RPH3A: variants seen among roughly 807,000 people sequenced by gnomAD.
RPH3A encodes rabphilin 3A.
RPH3A carries 48 observed loss-of-function variants against 102.2 expected under a neutral mutation model. The ratio of observed to expected loss-of-function variants is 0.47; its 90% confidence interval spans 0.37 to 0.60. The LOEUF is 0.60. RPH3A is among the 20% of genes least tolerant of loss of function. The pLI is 0.00. For missense variants in RPH3A, 781 were observed against 910.1 expected (o/e 0.86, Z 1.83); for synonymous variants, 310 against 324.3 (o/e 0.96, Z 0.47).
At chr12:112,812,632 G>C (rs1028674833) in intron 2 of RPH3A, among the ~76,000 whole-genome samples, 1 of 152,104 alleles carries the variant, frequency 6.6e-6, no homozygotes, top group South Asian at 2.1e-4. Context: ...GTGGATCCCA[G>C]CTTGTAGAAA....
intron 1 of RPH3A, among the ~76,000 whole-genome samples, chr12:112,713,094 CTTCTTCTTT>C (rs2040490780): frequency 1.8e-5 from 2 of 109,626 alleles, no homozygotes; most frequent in East Asian, 4.9e-4. Context: ...TCTTCTTCTT[CTTCTTCTTT>C]TATTTTTTTG....
intron 5 of RPH3A, among the ~76,000 whole-genome samples, chr12:112,857,092 G>C (rs999105029): frequency 2.0e-5 from 3 of 152,116 alleles, no homozygotes; most frequent in African/African-American, 7.2e-5. Context: ...CCTGTGTATC[G>C]GGAGTCTACG....
chr12:112,858,055 T>C (rs1208851739), intron 5 of RPH3A, among the ~76,000 whole-genome samples: 3 of 151,818 alleles, frequency 2.0e-5, no homozygotes, highest in Non-Finnish European at 2.9e-5. Flanking sequence ...GATTGCTTGA[T>C]TGAGCCCGGG....
chr12:112,864,712 A>T (rs565112778), intron 5 of RPH3A, among the ~76,000 whole-genome samples: 4 of 152,230 alleles, frequency 2.6e-5, no homozygotes, highest in Non-Finnish European at 5.9e-5. Context: ...ATCCAGCCAA[A>T]TTAGAATCAT....
At chr12:112,622,869 A>AC (rs1477875216) in intron 1 of RPH3A, among the ~76,000 whole-genome samples, 5 of 136,248 alleles carry the variant, frequency 3.7e-5, no homozygotes, top group Non-Finnish European at 7.9e-5. Context: ...CTCGGCAGAA[A>AC]CCCTACAAGC....
intron 1 of RPH3A, among the ~76,000 whole-genome samples, chr12:112,599,683 G>A (rs1025208123): frequency 6.6e-6 from 1 of 152,200 alleles, no homozygotes; most frequent in Non-Finnish European, 1.5e-5. Context: ...AAAAGAAAAT[G>A]TATGCTTGTT....
Position 112,679,680 on chromosome 12 carries a change from C to A in RPH3A, c.-140+104361C>A, listed in dbSNP as rs139670837. The stretch of plus-strand genomic sequence containing the variant: ...ACCTCAAGTGATCCTCCCGTCCTGG[C>A]CTCCCAAAGTGCTAGGATTACAGGC... On this transcript the variant is annotated intron_variant, in intron 1 of 21. Transcript: ENST00000543106. 3.8e-3 allele frequency among the ~76,000 whole-genome samples: 583 copies of A among 152,308 alleles called. 3 individuals are homozygous for A. The highest frequency in any genetic ancestry group is 0.013 in the African/African-American group (555 of 41,568).
chr12:112,841,792 G>A (rs1376656757), intron 4 of RPH3A, among the ~76,000 whole-genome samples: 1 of 151,548 alleles, frequency 6.6e-6, no homozygotes, highest in African/African-American at 2.4e-5. Flanking sequence ...AGGAAATCTG[G>A]GAGCTGCAGG....
At chr12:112,585,421 T>G (rs1176865901) in intron 1 of RPH3A, among the ~76,000 whole-genome samples, 1 of 152,232 alleles carries the variant, frequency 6.6e-6, no homozygotes, top group African/African-American at 2.4e-5. Flanking sequence ...GCCTCATGAC[T>G]GCACATTGAA....
At chr12:112,663,489 A>G (rs561905312) in intron 1 of RPH3A, among the ~76,000 whole-genome samples, 35 of 152,128 alleles carry the variant, frequency 2.3e-4, no homozygotes, top group Middle Eastern at 6.8e-3. Context: ...CTGTGACCAT[A>G]GACATGCACC....
chr12:112,882,526 G>T (rs914925908), intron 15 of RPH3A, among the ~76,000 whole-genome samples: 1 of 152,172 alleles, frequency 6.6e-6, no homozygotes, highest in African/African-American at 2.4e-5. Flanking sequence ...AGTACCAAAT[G>T]CGCCATGAGA....
At chr12:112,722,303 G>T (rs1362956002) in intron 1 of RPH3A, among the ~76,000 whole-genome samples, 1 of 152,336 alleles carries the variant, frequency 6.6e-6, no homozygotes, top group African/African-American at 2.4e-5. Flanking sequence ...AGGTTCTGTA[G>T]GTAGGCATGA....
chr12:112,678,295 A>AG lies in RPH3A; in HGVS notation c.-140+102976_-140+102977insG, dbSNP rs1566255284. Among the ~76,000 whole-genome samples the AG allele has an allele frequency of 2.1e-3, 73 of 34,832 alleles. 10 individuals carry two copies. The highest frequency in any genetic ancestry group is 6.0e-3 in the African/African-American group (52 of 8,622). 22.9% of individuals were successfully genotyped at this position (34,832 alleles called of 152,430 possible). On this transcript the variant is annotated intron_variant, in intron 1 of 21. Transcript: ENST00000543106. The stretch of plus-strand genomic sequence containing the variant: ...AAAGAAAGAAAGAAAGAAAGAAAGA[A>AG]AGAAAGAAAGAGAGAGAGAGAGAAA...
chr12:112,779,769 A>G (rs893575918), intron 1 of RPH3A, among the ~76,000 whole-genome samples: 2 of 152,174 alleles, frequency 1.3e-5, no homozygotes, highest in Non-Finnish European at 2.9e-5. Context: ...TCAGAATGTG[A>G]CCTTATTTAG....
At chr12:112,578,365 A>G (rs1288111247) in intron 1 of RPH3A, among the ~76,000 whole-genome samples, 1 of 152,188 alleles carries the variant, frequency 6.6e-6, no homozygotes, top group Non-Finnish European at 1.5e-5. Context: ...GGGGGCCAGA[A>G]TCTTTTGAGG....
intron 18 of RPH3A, 65 bp from the exon 19 acceptor site, chr12:112,890,784 C>A: frequency 6.4e-7 from 1 of 1,551,982 alleles, no homozygotes; most frequent in Non-Finnish European, 8.8e-7. Flanking sequence ...TTCCCTAATG[C>A]TCGCCATTCA....
intron 2 of RPH3A, among the ~76,000 whole-genome samples, chr12:112,808,866 A>G (rs952136493): frequency 6.6e-6 from 1 of 152,150 alleles, no homozygotes; most frequent in South Asian, 2.1e-4. Flanking sequence ...TTTGAGGTGC[A>G]CTGGCTTGAA....
chr12:112,765,007 T>C (rs1200515808), intron 1 of RPH3A, among the ~76,000 whole-genome samples: 1 of 152,186 alleles, frequency 6.6e-6, no homozygotes, highest in African/African-American at 2.4e-5. Context: ...TGTATAATTG[T>C]CTGAGCCATA....
chr12:112,694,673 CACACACACACAGAG>C (rs1456320501), intron 1 of RPH3A, among the ~76,000 whole-genome samples: 4 of 144,646 alleles, frequency 2.8e-5, no homozygotes, highest in South Asian at 2.2e-4. Context: ...CACACACACA[CACACACACACAGAG>C]AGAGAGAGAG....
Sources: gnomAD v4.1 joint callset for allele counts (sites outside exome capture counted in the v4.1 genomes callset) on GRCh38, gnomAD v4.1.1 for gene constraint, MANE v1.5 for transcripts, NCBI Gene and HGNC (gene_info 2026-07-23, HGNC 2026-07-21) for gene names.